TP53BP1: variants seen among roughly 807,000 people sequenced by gnomAD.
TP53BP1 encodes the protein TP53-binding protein 1.
In TP53BP1, 61 loss-of-function variants were observed where a neutral mutation model predicts 200.8. That is an observed-to-expected ratio of 0.30 (90% CI 0.25 to 0.38). TP53BP1 has a LOEUF of 0.38. Ranked by LOEUF, TP53BP1 falls within the 10% of genes least tolerant of loss-of-function variation. The pLI is 1.00. For synonymous variants in TP53BP1, 822 were observed against 844.3 expected, an observed-to-expected ratio of 0.97 and a Z score of 0.46; for missense variants, 2,144 against 2,371.9, an observed-to-expected ratio of 0.90 and a Z score of 2.00.
In TP53BP1 at chr15:43,404,437, C is replaced by T. The variant is rs2044788526; in HGVS notation, c.*2946G>A. The T allele has an allele frequency of 1.9e-6, 3 of 1,614,056 alleles. No individual in the cohort carries two copies. The South Asian group carries it at 3.3e-5, about 18-fold the overall frequency. ...GGGCTTTAGCCGCCAGTCTTCACTCCTGTTCAAGATTCTCTCCAGTGTTCG... is the reference window on the plus strand; with the variant it reads ...GGGCTTTAGCCGCCAGTCTTCACTCTTGTTCAAGATTCTCTCCAGTGTTCG... On this transcript the variant is annotated 3_prime_UTR_variant, in exon 28 of 28. Coordinates refer to ENST00000382044, the MANE Select transcript of TP53BP1 (RefSeq NM_001141980.3).
intron 1 of TP53BP1, among the ~76,000 whole-genome samples, chr15:43,509,282 G>A (rs998534614): frequency 4.9e-5 from 7 of 143,430 alleles, no homozygotes; most frequent in African/African-American, 1.6e-4. Context: ...CTGACATTCT[G>A]CCAGTACTCT....
chr15:43,470,813 G>C (rs1483588674), intron 10 of TP53BP1, among the ~76,000 whole-genome samples: 1 of 152,222 alleles, frequency 6.6e-6, no homozygotes, highest in East Asian at 1.9e-4. Flanking sequence ...CCCCAACCAG[G>C]CTTCCTCTAG....
chr15:43,436,369 TACTC>T (rs139564946), intron 16 of TP53BP1, among the ~76,000 whole-genome samples: 388 of 152,314 alleles, frequency 2.5e-3, no homozygotes, highest in African/African-American at 8.7e-3. Context: ...AGGTGAAAGA[TACTC>T]ACTTCATAAT....
At chr15:43,488,097 G>C (rs2079071109) in intron 4 of TP53BP1, among the ~76,000 whole-genome samples, 1 of 152,162 alleles carries the variant, frequency 6.6e-6, no homozygotes, top group Non-Finnish European at 1.5e-5. Flanking sequence ...CCAGGCATTG[G>C]AGACCACCCT....
At chr15:43,479,349 TA>T in intron 7 of TP53BP1, 47 bp downstream of exon 7, 1 of 1,543,054 alleles carries the variant, frequency 6.5e-7, no homozygotes, top group Non-Finnish European at 8.7e-7. Context: ...GACATTAGTA[TA>T]ACCCTACAGC....
rs1331988341 is a variant in TP53BP1, at chr15:43,447,372, G to A, written c.2830C>T (p.Pro944Ser). 1 of 1,598,880 alleles carries A rather than the reference G, an allele frequency of 6.3e-7. No homozygotes were observed. Among genetic ancestry groups the A allele is most frequent in the Non-Finnish European group, 8.5e-7 (1 of 1,176,458 alleles). ...LKLEPKRHSTPIGISNYPEST... is the reference protein window; with the variant it reads ...LKLEPKRHSTSIGISNYPEST... Reference sequence around the variant, plus strand: ...TTACTTTTTATTCACTCACCAATAGGAGTACTGTGTCTCTTGGGCTCCAAT... The same window carrying A: ...TTACTTTTTATTCACTCACCAATAGAAGTACTGTGTCTCTTGGGCTCCAAT... The change falls in exon 13 of 28, where the codon CCT (proline) becomes TCT (serine). Residue 944 changes from proline to serine, a missense_variant. Around this residue, in one of 4 missense-constraint regions of TP53BP1, gnomAD observed 1,700 missense variants for 1,710.3 expected, o/e 0.99. Transcript: ENST00000382044.
intron 20 of TP53BP1, 45 bp downstream of exon 20, chr15:43,420,980 G>A: frequency 6.3e-7 from 1 of 1,580,268 alleles, no homozygotes; most frequent in South Asian, 1.2e-5. Context: ...CCATTCCCTT[G>A]TTTTCTGAAC....
intron 12 of TP53BP1, among the ~76,000 whole-genome samples, chr15:43,449,947 T>C (rs1404814792): frequency 6.6e-6 from 1 of 152,252 alleles, no homozygotes; most frequent in African/African-American, 2.4e-5. Context: ...ACTCAAACTA[T>C]TGCCAAATCC....
At chr15:43,479,829 A>G in intron 6 of TP53BP1, 30 bp downstream of exon 6, 2 of 1,610,926 alleles carry the variant, frequency 1.2e-6, no homozygotes, top group Non-Finnish European at 1.7e-6. Context: ...AAACACAACA[A>G]CTCCAAATGC....
chr15:43,415,881 A>G, intron 22 of TP53BP1, 72 bp from the exon 23 acceptor site: 1 of 1,287,054 alleles, frequency 7.8e-7, no homozygotes, highest in South Asian at 1.3e-5. Flanking sequence ...GAAACTGGGC[A>G]GACCCTGATT....
At chr15:43,462,392 C>A (rs2046460563) in intron 11 of TP53BP1, among the ~76,000 whole-genome samples, 1 of 152,040 alleles carries the variant, frequency 6.6e-6, no homozygotes, top group Non-Finnish European at 1.5e-5. Context: ...CTTCAAACAC[C>A]TGAACTCAAG....
intron 21 of TP53BP1, among the ~76,000 whole-genome samples, chr15:43,417,562 C>T (rs977092581): frequency 2.0e-5 from 3 of 152,172 alleles, no homozygotes; most frequent in African/African-American, 7.2e-5. Flanking sequence ...GAGCAAACAG[C>T]CTCAAGAAAT....
At chr15:43,447,166 C>T (rs1161113999) in intron 13 of TP53BP1, 200 bp downstream of exon 13, 1 of 581,566 alleles carries the variant, frequency 1.7e-6, no homozygotes, top group Non-Finnish European at 3.0e-6. Context: ...TACTTCCCTC[C>T]ACCCTTTCTT....
chr15:43,462,476 AT>A (rs984025796), intron 11 of TP53BP1, among the ~76,000 whole-genome samples: 5 of 149,728 alleles, frequency 3.3e-5, no homozygotes, highest in South Asian at 2.1e-4. Flanking sequence ...CATCCGGCTA[AT>A]TTTTTTTTTC....
At chr15:43,504,747 C>T (rs1018720907) in intron 1 of TP53BP1, among the ~76,000 whole-genome samples, 2 of 152,140 alleles carry the variant, frequency 1.3e-5, no homozygotes, top group African/African-American at 4.8e-5. Context: ...CGGCCAGGCA[C>T]GGTGTCTCAC....
intron 12 of TP53BP1, 123 bp from the exon 13 acceptor site, chr15:43,447,608 T>G: frequency 9.9e-7 from 1 of 1,011,468 alleles, no homozygotes. Flanking sequence ...TTTCCTTTGC[T>G]CCCAAATTCT....
At chr15:43,442,329 G>A (rs375299619) in intron 14 of TP53BP1, among the ~76,000 whole-genome samples, 2 of 151,694 alleles carry the variant, frequency 1.3e-5, no homozygotes, top group African/African-American at 4.8e-5. Flanking sequence ...CTCGTGATCC[G>A]CCCGCCTCGG....
In TP53BP1 at chr15:43,406,893, C is replaced by T. The variant is rs1242426832; in HGVS notation, c.*490G>A. ...GGAGTACCCACAGGTGAGCTGTGATCTCAGCTCAGAGAGAGAGCATGAGGT... is the reference window on the plus strand; with the variant it reads ...GGAGTACCCACAGGTGAGCTGTGATTTCAGCTCAGAGAGAGAGCATGAGGT... On this transcript the variant is annotated 3_prime_UTR_variant, in exon 28 of 28. Transcript: ENST00000382044. 1 of 269,166 alleles carries T rather than the reference C, an allele frequency of 3.7e-6. No individual in the cohort carries two copies. The highest frequency in any genetic ancestry group is 7.3e-6 in the Non-Finnish European group (1 of 136,914). 16.7% of individuals were successfully genotyped at this position (269,166 alleles called of 1,614,324 possible).
At chr15:43,409,221 G>A in intron 25 of TP53BP1, 125 bp from the exon 26 acceptor site, 1 of 843,106 alleles carries the variant, frequency 1.2e-6, no homozygotes, top group South Asian at 1.6e-5. Context: ...ATGTGATTTA[G>A]TCTATCCTGC....
Sources: gnomAD v4.1 joint callset for allele counts (sites outside exome capture counted in the v4.1 genomes callset) on GRCh38, gnomAD v4.1.1 for gene constraint, gnomAD v4.1.1 regional missense constraint, MANE v1.5 for transcripts, NCBI Gene and HGNC (gene_info 2026-07-23, HGNC 2026-07-21) for gene names.